ERBIN: variants seen among roughly 807,000 people sequenced by gnomAD.
ERBIN encodes erbb2 interacting protein.
A neutral mutation model predicts 158.4 loss-of-function variants in ERBIN; 60 were observed. The ratio of observed to expected loss-of-function variants is 0.38; its 90% CI spans 0.31 to 0.47. ERBIN has a LOEUF of 0.47. Ranked by LOEUF, ERBIN falls within the 20% of genes least tolerant of loss-of-function variation. The pLI, the probability that ERBIN is intolerant of heterozygous loss-of-function variation, is 0.99. For synonymous variants in ERBIN, 594 were observed against 557.2 expected (o/e 1.07, Z -0.93); for missense variants, 1,610 against 1,648.0 (o/e 0.98, Z 0.40).
At position 66,053,956 on chromosome 5, in the gene ERBIN, G is replaced by A. The variant is rs748463121; in HGVS notation, c.2638G>A (p.Gly880Arg). The change falls in exon 21 of 26, where the codon GGG (glycine) becomes AGG (arginine). Residue 880 changes from glycine (G) to arginine (R), a missense_variant. Coordinates refer to ENST00000284037, the MANE Select transcript of ERBIN (RefSeq NM_001253697.2). Reference protein sequence around the residue: ...SHSITNMEIGGLKIYDILSDN... With the variant: ...SHSITNMEIGRLKIYDILSDN... Reference sequence around the variant, plus strand: ...TAGCATAACTAATATGGAGATTGGAGGGCTAAAAATCTATGATATTCTTAG... The same window carrying A: ...TAGCATAACTAATATGGAGATTGGAAGGCTAAAAATCTATGATATTCTTAG... 1 of 1,614,100 alleles carries A rather than the reference G, an allele frequency of 6.2e-7. No individual in the cohort carries two copies. The highest frequency in any genetic ancestry group is 8.5e-7 in the Non-Finnish European group (1 of 1,180,014).
chr5:66,072,367 G>A (rs1478613547), intron 22 of ERBIN, 76 bp downstream of exon 22: 37 of 1,427,138 alleles, frequency 2.6e-5, no homozygotes, highest in East Asian at 5.3e-5. Context: ...GATATTATAT[G>A]TGCTTTAGAT....
At chr5:65,942,635 A>G (rs1396760694) in intron 1 of ERBIN, among the ~76,000 whole-genome samples, 2 of 152,218 alleles carry the variant, frequency 1.3e-5, no homozygotes, top group Non-Finnish European at 2.9e-5. Context: ...TTTAAAAAAT[A>G]GACTTAAGGC....
chr5:66,004,225 C>T (rs113972510), intron 4 of ERBIN, among the ~76,000 whole-genome samples: 1,713 of 151,550 alleles, frequency 0.011, 28 homozygotes, highest in African/African-American at 0.039. Context: ...GGAATACAGG[C>T]GTGAGCCACC....
intron 16 of ERBIN, among the ~76,000 whole-genome samples, chr5:66,043,608 T>A (rs1486240577): frequency 1.3e-5 from 2 of 152,296 alleles, no homozygotes; most frequent in East Asian, 3.9e-4. Context: ...CTCTTTGTTA[T>A]GAACATTTTG....
intron 21 of ERBIN, 21 bp from the exon 22 acceptor site, chr5:66,072,148 T>C: frequency 1.9e-6 from 3 of 1,545,410 alleles, no homozygotes; most frequent in Non-Finnish European, 2.6e-6. Context: ...ATTTGTTTAC[T>C]TTTTATTTCC....
intron 2 of ERBIN, among the ~76,000 whole-genome samples, chr5:65,989,357 C>G (rs1327665803): frequency 6.6e-6 from 1 of 152,140 alleles, no homozygotes; most frequent in Non-Finnish European, 1.5e-5. Flanking sequence ...ACTTGCAGGC[C>G]TATATAGATT....
intron 1 of ERBIN, among the ~76,000 whole-genome samples, chr5:65,939,895 T>G (rs549780298): frequency 2.6e-5 from 4 of 151,828 alleles, no homozygotes; most frequent in South Asian, 4.2e-4. Flanking sequence ...CTCGGCTCGC[T>G]ACAACCTCCA....
chr5:65,943,009 A>G (rs771039348), intron 1 of ERBIN, among the ~76,000 whole-genome samples: 36 of 152,170 alleles, frequency 2.4e-4, no homozygotes, highest in South Asian at 1.7e-3. Context: ...CTCCTTCTCC[A>G]TTTCCCCTAT....
intron 21 of ERBIN, among the ~76,000 whole-genome samples, chr5:66,056,076 G>C (rs142996510): frequency 6.6e-6 from 1 of 152,228 alleles, no homozygotes; most frequent in Admixed American, 6.5e-5. Context: ...AGTAACATAG[G>C]TGTGTTTTAT....
chr5:65,947,082 A>G (rs1745851661), intron 1 of ERBIN, among the ~76,000 whole-genome samples: 1 of 152,136 alleles, frequency 6.6e-6, no homozygotes, highest in African/African-American at 2.4e-5. Context: ...TCTTTTGCAG[A>G]ACAAAAGCTT....
At chr5:66,068,843 T>G in intron 21 of ERBIN, 1 of 1,500,224 alleles carries the variant, frequency 6.7e-7, no homozygotes, top group Non-Finnish European at 8.9e-7. Flanking sequence ...CATGCTACAC[T>G]AATCTCTGTT....
intron 1 of ERBIN, among the ~76,000 whole-genome samples, chr5:65,941,733 A>G (rs1376892636): frequency 2.0e-5 from 3 of 151,554 alleles, no homozygotes; most frequent in Non-Finnish European, 2.9e-5. Flanking sequence ...CCTTAACCTT[A>G]CCCTTTCTTG....
intron 1 of ERBIN, among the ~76,000 whole-genome samples, chr5:65,941,893 G>A (rs1024400408): frequency 6.6e-6 from 1 of 151,832 alleles, no homozygotes; most frequent in Admixed American, 6.6e-5. Context: ...GGTACCCGCC[G>A]CCACGCCTGG....
chr5:66,064,257 G>A (rs2151278116), intron 21 of ERBIN, among the ~76,000 whole-genome samples: 1 of 152,292 alleles, frequency 6.6e-6, no homozygotes, highest in African/African-American at 2.4e-5. Flanking sequence ...AATTCTGAAA[G>A]CAGAGACAAG....
chr5:66,006,892 A>G (rs1003754608), intron 4 of ERBIN, among the ~76,000 whole-genome samples: 1 of 151,148 alleles, frequency 6.6e-6, no homozygotes, highest in African/African-American at 2.5e-5. Context: ...AGGAAACAAC[A>G]GGTGCTGGAG....
Position 66,043,146 on chromosome 5 carries a change from A to G in ERBIN, c.1376A>G (p.Gln459Arg), listed in dbSNP as rs1435955027. ...GAGGAACAGAGGAAACAGCGGGCTC[A>G]AGTTGCATTTGAATGTGATGAAGAC... is the stretch of plus-strand genomic sequence containing the variant. ...LWEEQRKQRAQVAFECDEDKD... is the reference protein window; with the variant it reads ...LWEEQRKQRARVAFECDEDKD... The change falls in exon 16 of 26, where the codon CAA becomes CGA. Residue 459 changes from glutamine (Q) to arginine (R), a missense_variant. Gln to Arg is a conservative substitution (Grantham distance 43). Transcript: ENST00000284037. The G allele has an allele frequency of 6.2e-7, 1 of 1,613,146 alleles. No individual in the cohort carries two copies. The highest frequency in any genetic ancestry group is 2.2e-5 in the East Asian group (1 of 44,810).
chr5:66,065,314 CTTA>C (rs1760862931), intron 21 of ERBIN, among the ~76,000 whole-genome samples: 1 of 152,002 alleles, frequency 6.6e-6, no homozygotes, highest in Non-Finnish European at 1.5e-5. Flanking sequence ...GCTAGACATA[CTTA>C]TTATTTCAAA....
intron 1 of ERBIN, among the ~76,000 whole-genome samples, chr5:65,975,824 A>G (rs1749795437): frequency 6.6e-6 from 1 of 152,184 alleles, no homozygotes; most frequent in Non-Finnish European, 1.5e-5. Context: ...TTTTAAGATG[A>G]GAGACAAAAT....
At chr5:66,076,274 T>G in intron 23 of ERBIN, 42 bp from the exon 24 acceptor site, 1 of 1,512,578 alleles carries the variant, frequency 6.6e-7, no homozygotes. Context: ...ATTATAACTT[T>G]TTCTGAAATA....
Sources: gnomAD v4.1 joint callset for allele counts (sites outside exome capture counted in the v4.1 genomes callset) on GRCh38, gnomAD v4.1.1 for gene constraint, MANE v1.5 for transcripts, NCBI Gene and HGNC (gene_info 2026-07-23, HGNC 2026-07-21) for gene names.